The following AHCYL2 variants were observed in gnomAD, a reference collection of about 807,000 sequenced individuals.
AHCYL2 encodes the protein S-adenosylhomocysteine hydrolase-like protein 2.
In AHCYL2, 28 loss-of-function variants were observed where a neutral mutation model predicts 81.4. That is an observed-to-expected ratio of 0.34 (90% confidence interval 0.25 to 0.47). The LOEUF is 0.47. Ranked by LOEUF, AHCYL2 falls within the 20% of genes least tolerant of loss-of-function variation. The probability of loss-of-function intolerance (pLI) is 1.00; values close to 1 mark genes in which losing one functional copy is unlikely to be tolerated. For synonymous variants in AHCYL2, 272 were observed against 290.2 expected, an observed-to-expected ratio of 0.94 and a Z score of 0.64; for missense variants, 551 against 785.1, an observed-to-expected ratio of 0.70 and a Z score of 3.56.
chr7:129,403,553 A>G (rs1468798877), intron 7 of AHCYL2, 68 bp downstream of exon 7: 3 of 1,126,462 alleles, frequency 2.7e-6, no homozygotes, highest in East Asian at 2.8e-5. Context: ...ACACATACCT[A>G]TAAAACACAT....
chr7:129,272,011 G>A (rs934768192), intron 1 of AHCYL2, among the ~76,000 whole-genome samples: 5 of 152,196 alleles, frequency 3.3e-5, no homozygotes, highest in African/African-American at 1.2e-4. Context: ...AAATGTGGCA[G>A]AGATAACATT....
chr7:129,267,077 G>A (rs2566879), intron 1 of AHCYL2, among the ~76,000 whole-genome samples: 19,122 of 151,980 alleles, frequency 0.13, 1,552 homozygotes, highest in African/African-American at 0.24. Context: ...TATGCCTAAT[G>A]AGAAGGGGAA....
intron 1 of AHCYL2, among the ~76,000 whole-genome samples, chr7:129,303,371 A>G (rs1797317211): frequency 6.6e-6 from 1 of 152,120 alleles, no homozygotes; most frequent in South Asian, 2.1e-4. Context: ...AGGTTTCTTC[A>G]TGATTCAATT....
chr7:129,310,915 A>T (rs928994526), intron 1 of AHCYL2, among the ~76,000 whole-genome samples: 1 of 152,096 alleles, frequency 6.6e-6, no homozygotes, highest in African/African-American at 2.4e-5. Context: ...GTTTGAGTCC[A>T]GCCTGGGCAA....
At chr7:129,417,365 G>A (rs1340180051) in intron 12 of AHCYL2, among the ~76,000 whole-genome samples, 1 of 152,228 alleles carries the variant, frequency 6.6e-6, no homozygotes, top group Non-Finnish European at 1.5e-5. Flanking sequence ...CCAGATCTTA[G>A]AGGGCCTCAT....
At chr7:129,337,600 C>T (rs1400301049) in intron 1 of AHCYL2, among the ~76,000 whole-genome samples, 6 of 151,866 alleles carry the variant, frequency 4.0e-5, no homozygotes, top group African/African-American at 9.7e-5. Context: ...GGTTTCATCA[C>T]GTTGGCCAGG....
intron 4 of AHCYL2, among the ~76,000 whole-genome samples, chr7:129,395,017 T>G (rs1795657561): frequency 6.6e-6 from 1 of 152,158 alleles, no homozygotes; most frequent in South Asian, 2.1e-4. Context: ...TTTTTTTTAC[T>G]TTTTGTATGT....
At chr7:129,362,602 T>C (rs923457611) in intron 1 of AHCYL2, among the ~76,000 whole-genome samples, 1 of 131,768 alleles carries the variant, frequency 7.6e-6, no homozygotes, top group Non-Finnish European at 1.5e-5. Flanking sequence ...TTCTTGTTTT[T>C]TTTTTTTTTT....
intron 1 of AHCYL2, chr7:129,375,614 G>A (rs1359668629): frequency 7.5e-7 from 1 of 1,335,442 alleles, no homozygotes; most frequent in African/African-American, 1.5e-5. Context: ...AAAAAAACAA[G>A]TAAAAGCAAA....
intron 1 of AHCYL2, among the ~76,000 whole-genome samples, chr7:129,249,403 A>G (rs1193398668): frequency 6.6e-6 from 1 of 152,022 alleles, no homozygotes; most frequent in African/African-American, 2.4e-5. Context: ...TCTAACAAAA[A>G]CTATGTATTA....
intron 1 of AHCYL2, among the ~76,000 whole-genome samples, chr7:129,369,004 G>T (rs961376917): frequency 6.6e-6 from 1 of 152,102 alleles, no homozygotes; most frequent in African/African-American, 2.4e-5. Context: ...CTCCCTGCCC[G>T]TATTTTTCCC....
intron 2 of AHCYL2, among the ~76,000 whole-genome samples, chr7:129,382,677 C>T (rs999881465): frequency 7.9e-5 from 12 of 151,684 alleles, no homozygotes; most frequent in African/African-American, 2.4e-4. Flanking sequence ...AGGCTGAGGT[C>T]GGCGAATCAC....
chr7:129,321,045 C>G (rs1433986076), intron 1 of AHCYL2, among the ~76,000 whole-genome samples: 1 of 152,200 alleles, frequency 6.6e-6, no homozygotes, highest in Non-Finnish European at 1.5e-5. Context: ...ATCCTACAAC[C>G]AAGCTAGACT....
In AHCYL2 at chr7:129,373,267, T is replaced by C. The variant is rs193146935; in HGVS notation, c.364-6371T>C. The stretch of plus-strand genomic sequence containing the variant: ...CTGTGTTCTATAAAAACTTATTGGC[T>C]GTGTGCGGCGGCTCACGCCTGTAAT... On this transcript the variant is annotated intron_variant, in intron 1 of 16. Transcript: ENST00000325006. Among the ~76,000 whole-genome samples the C allele has an allele frequency of 3.2e-3, 484 of 152,266 alleles. 3 individuals are homozygous for C. Among genetic ancestry groups the C allele is most frequent in the African/African-American group, 0.011 (458 of 41,546 alleles).
intron 1 of AHCYL2, among the ~76,000 whole-genome samples, chr7:129,342,972 CTT>C (rs1793238510): frequency 1.3e-5 from 2 of 152,230 alleles, no homozygotes; most frequent in Admixed American, 6.5e-5. Flanking sequence ...AATCTTTTCT[CTT>C]TTCCTTTGGC....
chr7:129,320,319 C>CTGTT (rs547241604), intron 1 of AHCYL2, among the ~76,000 whole-genome samples: 90 of 152,014 alleles, frequency 5.9e-4, no homozygotes, highest in Non-Finnish European at 9.0e-4. Flanking sequence ...CTTTTTATCA[C>CTGTT]TGTTTGTTTG....
At chr7:129,410,312 T>C in intron 11 of AHCYL2, 1 of 1,614,238 alleles carries the variant, frequency 6.2e-7, no homozygotes, top group South Asian at 1.1e-5. Context: ...TCGAATGTTC[T>C]CAAACTCTTC....
intron 1 of AHCYL2, among the ~76,000 whole-genome samples, chr7:129,279,273 C>G (rs1456215172): frequency 6.6e-6 from 1 of 151,646 alleles, no homozygotes; most frequent in Non-Finnish European, 1.5e-5. Context: ...CCTCAGCCTC[C>G]CGAGTAGCTG....
At chr7:129,383,733 C>T (rs561372186) in intron 2 of AHCYL2, among the ~76,000 whole-genome samples, 1 of 152,220 alleles carries the variant, frequency 6.6e-6, no homozygotes, top group South Asian at 2.1e-4. Context: ...GCCTTACTAG[C>T]CTCCTACTGT....
Sources: gnomAD v4.1 joint callset for allele counts (sites outside exome capture counted in the v4.1 genomes callset) on GRCh38, gnomAD v4.1.1 for gene constraint, MANE v1.5 for transcripts, NCBI Gene and HGNC (gene_info 2026-07-23, HGNC 2026-07-21) for gene names.